Variants in TXNRD1 observed in about 807,000 individuals in gnomAD.
TXNRD1 encodes thioredoxin reductase 1.
Under a neutral mutation model 80.3 loss-of-function variants are expected in TXNRD1, and 57 were observed. The ratio of observed to expected loss-of-function variants is 0.71; its 90% confidence interval spans 0.57 to 0.89. TXNRD1 has a LOEUF of 0.89. Among genes scored for constraint, TXNRD1 ranks in the 40% least tolerant of loss-of-function variants. The pLI, the probability that TXNRD1 is intolerant of heterozygous loss-of-function variation, is 0.00. For missense variants in TXNRD1, 730 were observed against 803.0 expected (o/e 0.91, Z 1.10); for synonymous variants, 291 against 285.2 (o/e 1.02, Z -0.20).
intron 4 of TXNRD1, among the ~76,000 whole-genome samples, chr12:104,301,399 G>A (rs1420329053): frequency 2.0e-5 from 3 of 151,974 alleles, no homozygotes; most frequent in African/African-American, 4.8e-5. Context: ...GTGCAGTGGC[G>A]CGATCTTGGC....
chr12:104,349,685 G>A lies in TXNRD1; in HGVS notation c.*1264G>A, dbSNP rs939924280. The A allele has an allele frequency of 6.6e-6, 1 of 152,422 alleles. No individual in the cohort carries two copies. The highest frequency in any genetic ancestry group is 2.4e-5 in the African/African-American group (1 of 41,456). 9.4% of individuals were successfully genotyped at this position (152,422 alleles called of 1,614,324 possible). On this transcript the variant is annotated 3_prime_UTR_variant, in exon 17 of 17. Transcript: ENST00000525566. ...ACTGGCTGAGGATTCTATCTCAGCT[G>A]TCTTTTCTAACTGTGTAGGTTGAGT...
At position 104,304,300 on chromosome 12, in the gene TXNRD1, T is replaced by C. The variant is rs1593793848; in HGVS notation, c.415-6990T>C. ...TTAATCAGTTAGCATTTTGTGACTT[T>C]CTGTTTCTGTTCGTGGGTCTGAATT... On this transcript the variant is annotated intron_variant, in intron 4 of 16. Transcript: ENST00000525566. 2.5e-6 allele frequency: 4 copies of C among 1,614,076 alleles called. No homozygotes were observed. In the East Asian group the frequency reaches 6.7e-5, roughly 27 times the overall value.
chr12:104,308,109 C>T (rs1565892505), intron 4 of TXNRD1, among the ~76,000 whole-genome samples: 2 of 151,984 alleles, frequency 1.3e-5, no homozygotes, highest in African/African-American at 2.4e-5. Flanking sequence ...CATTCTCCTG[C>T]CTCAGCCTCT....
chr12:104,329,210 A>T (rs909174462), intron 13 of TXNRD1, among the ~76,000 whole-genome samples: 9 of 152,164 alleles, frequency 5.9e-5, no homozygotes, highest in African/African-American at 2.2e-4. Context: ...TCTTTGAATT[A>T]CATCTTGTAT....
intron 3 of TXNRD1, 40 bp downstream of exon 3, chr12:104,258,119 G>C: frequency 7.2e-7 from 1 of 1,395,362 alleles, no homozygotes; most frequent in Non-Finnish European, 9.8e-7. Context: ...GCTGCTGACT[G>C]TACATTTTAT....
intron 1 of TXNRD1, among the ~76,000 whole-genome samples, chr12:104,250,612 C>T (rs906327926): frequency 3.3e-5 from 5 of 152,042 alleles, no homozygotes; most frequent in East Asian, 1.9e-4. Flanking sequence ...GCCCACCTAA[C>T]GATATTGCTG....
At position 104,288,843 on chromosome 12, in the gene TXNRD1, G is replaced by A. The variant is rs192618984; in HGVS notation, c.305-88G>A. 1.3e-4 allele frequency: 203 copies of A among 1,611,484 alleles called. 2 individuals are homozygous for A. In the African/African-American group the frequency reaches 1.5e-3, roughly 12 times the overall value. ...AGGGCACGCGGTGCCTGCGGGGCCGGGACGGAAGCCCCGCCCCCGGCGCAG... is the reference window on the plus strand; with the variant it reads ...AGGGCACGCGGTGCCTGCGGGGCCGAGACGGAAGCCCCGCCCCCGGCGCAG... On this transcript the variant is annotated intron_variant, in intron 3 of 16. Coordinates refer to ENST00000525566, the MANE Select transcript of TXNRD1 (RefSeq NM_001093771.3).
intron 1 of TXNRD1, among the ~76,000 whole-genome samples, chr12:104,240,343 A>G (rs2032831999): frequency 7.0e-6 from 1 of 142,462 alleles, no homozygotes; most frequent in Admixed American, 7.2e-5. Context: ...CTTATTTCTC[A>G]GCTTTTTGTG....
chr12:104,227,918 G>A (rs2032510139), intron 1 of TXNRD1, among the ~76,000 whole-genome samples: 1 of 151,916 alleles, frequency 6.6e-6, no homozygotes, highest in Admixed American at 6.6e-5. Flanking sequence ...TAATTTTTTT[G>A]TCCTTTCATT....
At chr12:104,338,388 C>T (rs79343595) in intron 15 of TXNRD1, among the ~76,000 whole-genome samples, 1,579 of 151,716 alleles carry the variant, frequency 0.01, 43 homozygotes, top group African/African-American at 0.036. Context: ...CTGTTAGCAG[C>T]AGTCATTAAA....
At chr12:104,304,084 C>G in intron 4 of TXNRD1, 1 of 1,613,954 alleles carries the variant, frequency 6.2e-7, no homozygotes, top group Middle Eastern at 1.6e-4. Context: ...TCATGTACTG[C>G]GTGCGGCAGA....
At chr12:104,303,276 T>C (rs905344171) in intron 4 of TXNRD1, among the ~76,000 whole-genome samples, 11 of 152,204 alleles carry the variant, frequency 7.2e-5, no homozygotes, top group African/African-American at 2.7e-4. Context: ...TTTACATTTG[T>C]ATAATGAGTC....
At chr12:104,304,401 A>G in intron 4 of TXNRD1, 1 of 1,614,022 alleles carries the variant, frequency 6.2e-7, no homozygotes, top group Non-Finnish European at 8.5e-7. Context: ...GCAATAGAAA[A>G]GGAAGCAACA....
rs1283824876 is a variant in TXNRD1 at position 104,256,974 on chromosome 12, TTC to T, written c.244-1043_244-1042del. The stretch of plus-strand genomic sequence containing the variant: ...GAATGAGATGAGAATATATTTTCTT[TTC>T]TTTTTTTTTTTTTTTCAAGAATCAT... On this transcript the variant is annotated intron_variant, in intron 2 of 16. Transcript: ENST00000525566. 2.4e-4 allele frequency among the ~76,000 whole-genome samples: 33 copies of T among 135,348 alleles called. 6 individuals are homozygous for T. The highest frequency in any genetic ancestry group is 3.6e-4 in the Non-Finnish European group (22 of 61,160). The allele number at this position is 135,348 out of a possible 152,430, so 88.8% of individuals were successfully genotyped here. A position where few individuals can be genotyped will look rare whatever the true frequency, so the allele number is the denominator to read the frequency against.
At chr12:104,330,869 T>A (rs1304791190) in intron 13 of TXNRD1, among the ~76,000 whole-genome samples, 1 of 152,176 alleles carries the variant, frequency 6.6e-6, no homozygotes, top group Non-Finnish European at 1.5e-5. Context: ...ATTACAGGTG[T>A]GAGCCACTGC....
In TXNRD1 at chr12:104,308,454, T is replaced by G. The variant is rs184458448; in HGVS notation, c.415-2836T>G. ...GCAAAGATACAAAACAGTGCCATTCTTCTAATTAAAAAATTTTTTAAAATA... is the reference window on the plus strand; with the variant it reads ...GCAAAGATACAAAACAGTGCCATTCGTCTAATTAAAAAATTTTTTAAAATA... On this transcript the variant is annotated intron_variant, in intron 4 of 16. Coordinates refer to ENST00000525566, the MANE Select transcript of TXNRD1 (RefSeq NM_001093771.3). Among the ~76,000 whole-genome samples, 60 of 152,310 alleles carry G rather than the reference T, an allele frequency of 3.9e-4. 1 individual carries two copies. Among genetic ancestry groups the G allele is most frequent in the African/African-American group, 1.3e-3 (52 of 41,578 alleles).
At chr12:104,250,111 T>A (rs1381743458) in intron 1 of TXNRD1, among the ~76,000 whole-genome samples, 2 of 152,140 alleles carry the variant, frequency 1.3e-5, no homozygotes, top group African/African-American at 2.4e-5. Flanking sequence ...CCTTTACATT[T>A]ATGGTCAATT....
At chr12:104,289,562 A>C (rs1384849442) in intron 4 of TXNRD1, 1 of 152,960 alleles carries the variant, frequency 6.5e-6, no homozygotes, top group African/African-American at 2.4e-5. Flanking sequence ...TTTAGCCCAG[A>C]GTTAATAGTT....
chr12:104,321,396 C>A, intron 10 of TXNRD1, 80 bp downstream of exon 10: 1 of 1,129,550 alleles, frequency 8.9e-7, no homozygotes, highest in Non-Finnish European at 1.3e-6. Context: ...GTGGTAGAAG[C>A]ATCCTTTCAG....
Sources: gnomAD v4.1 joint callset for allele counts (sites outside exome capture counted in the v4.1 genomes callset) on GRCh38, gnomAD v4.1.1 for gene constraint, MANE v1.5 for transcripts, NCBI Gene and HGNC (gene_info 2026-07-23, HGNC 2026-07-21) for gene names.